Variants in JPH2 observed in about 807,000 individuals in gnomAD.
The protein encoded by JPH2 is junctophilin-2.
A neutral mutation model predicts 55.9 loss-of-function variants in JPH2; 38 were observed. That is an observed-to-expected ratio of 0.68 (90% confidence interval 0.52 to 0.89). JPH2 has a LOEUF of 0.89. Ranked by LOEUF, JPH2 falls within the 40% of genes least tolerant of loss-of-function variation. JPH2 has a pLI of 0.00. For missense variants in JPH2, 964 were observed against 1,037.6 expected (o/e 0.93, Z 0.97); for synonymous variants, 480 against 472.4 (o/e 1.02, Z -0.21).
At chr20:44,150,969 G>A (rs887064722) in intron 2 of JPH2, among the ~76,000 whole-genome samples, 3 of 152,188 alleles carry the variant, frequency 2.0e-5, no homozygotes, top group Admixed American at 2.0e-4. Flanking sequence ...GGTGGAGGCT[G>A]CAGTGAGCTG....
intron 1 of JPH2, among the ~76,000 whole-genome samples, chr20:44,185,653 T>C: frequency 6.8e-6 from 1 of 147,158 alleles, no homozygotes; most frequent in South Asian, 2.2e-4. Flanking sequence ...AAAAAAAGAA[T>C]CCATGGATGG....
chr20:44,183,389 G>T (rs1369931518), intron 1 of JPH2, among the ~76,000 whole-genome samples: 1 of 152,224 alleles, frequency 6.6e-6, no homozygotes. Context: ...TCAGTCCCCA[G>T]CCAGTGCCGG....
intron 3 of JPH2, among the ~76,000 whole-genome samples, chr20:44,117,561 C>T (rs766790321): frequency 7.9e-5 from 12 of 152,358 alleles, no homozygotes; most frequent in Admixed American, 5.9e-4. Flanking sequence ...GTATCCACAT[C>T]GCCTGATCCT....
intron 1 of JPH2, among the ~76,000 whole-genome samples, chr20:44,178,192 C>T (rs990462582): frequency 1.3e-5 from 2 of 152,166 alleles, no homozygotes; most frequent in South Asian, 4.1e-4. Context: ...AAAAGAGATT[C>T]CTTTTCACCT....
intron 2 of JPH2, among the ~76,000 whole-genome samples, chr20:44,134,914 AATATATATATT>A (rs1569195952): frequency 0.048 from 2,521 of 52,704 alleles, 33 homozygotes; most frequent in Middle Eastern, 0.078. Context: ...ATATATATAA[AATATATATATT>A]TATATATATA....
intron 1 of JPH2, among the ~76,000 whole-genome samples, chr20:44,174,205 A>G (rs2072717670): frequency 6.6e-6 from 1 of 152,204 alleles, no homozygotes; most frequent in Non-Finnish European, 1.5e-5. Flanking sequence ...TCAGAGAGGT[A>G]GAGGGACCTG....
At chr20:44,175,080 A>G (rs191632114) in intron 1 of JPH2, among the ~76,000 whole-genome samples, 79 of 152,338 alleles carry the variant, frequency 5.2e-4, no homozygotes, top group Non-Finnish European at 9.7e-4. Context: ...TATATAAAAG[A>G]AAACACCTTT....
At chr20:44,137,225 G>C (rs56281945) in intron 2 of JPH2, among the ~76,000 whole-genome samples, 7,499 of 152,182 alleles carry the variant, frequency 0.049, 550 homozygotes, top group African/African-American at 0.16. Flanking sequence ...CTTAGCTCTT[G>C]GTGTGCTCTG....
chr20:44,129,458 G>C (rs1306399561), intron 2 of JPH2, among the ~76,000 whole-genome samples: 1 of 150,160 alleles, frequency 6.7e-6, no homozygotes, highest in Non-Finnish European at 1.5e-5. Context: ...GAGAGGCTGA[G>C]ACAGGAGAAT....
rs1222315380 is a variant in JPH2, at chr20:44,118,519, T to C, written c.1274A>G (p.Asp425Gly). 6.2e-7 allele frequency: 1 copy of C among 1,612,802 alleles called. No individual in the cohort carries two copies. The highest frequency in any genetic ancestry group is 8.5e-7 in the Non-Finnish European group (1 of 1,179,844). The change falls in exon 3 of 6, where the codon GAC (aspartate) becomes GGC (glycine). Residue 425 changes from aspartate (D) to glycine (G), a missense_variant. Physicochemically the swap from Asp to Gly is moderately conservative, Grantham distance 94. Transcript: ENST00000372980. ...ARTLARELAPDFYQPGPEYQK... is the reference protein window; with the variant it reads ...ARTLARELAPGFYQPGPEYQK... ...GCTGGCCCTACCTGGCTGGTAGAAGTCCGGAGCCAGCTCCCTGGCCAAAGT... is the reference window on the plus strand; with the variant it reads ...GCTGGCCCTACCTGGCTGGTAGAAGCCCGGAGCCAGCTCCCTGGCCAAAGT...
intron 2 of JPH2, among the ~76,000 whole-genome samples, chr20:44,138,100 C>G (rs915212404): frequency 2.0e-5 from 3 of 149,402 alleles, no homozygotes; most frequent in Non-Finnish European, 1.5e-5. Flanking sequence ...CTCTGCCTCC[C>G]GGGCTCAAGC....
At chr20:44,135,423 C>T (rs1189790199) in intron 2 of JPH2, among the ~76,000 whole-genome samples, 1 of 152,144 alleles carries the variant, frequency 6.6e-6, no homozygotes, top group African/African-American at 2.4e-5. Context: ...AATTTCTTCT[C>T]CTGGGAACTC....
chr20:44,185,126 C>G (rs2072821867), intron 1 of JPH2, among the ~76,000 whole-genome samples: 1 of 151,868 alleles, frequency 6.6e-6, no homozygotes, highest in Admixed American at 6.6e-5. Flanking sequence ...TAGTAAGACC[C>G]CATCTCTACA....
At position 44,118,494 on chromosome 20, in the gene JPH2, G is replaced by A; in HGVS notation, c.1288+11C>T. The A allele has an allele frequency of 1.2e-6, 2 of 1,603,472 alleles. No homozygotes were observed. Among genetic ancestry groups the A allele is most frequent in the Non-Finnish European group, 8.5e-7 (1 of 1,172,386 alleles). On this transcript the variant is annotated intron_variant, in intron 3 of 5. Transcript: ENST00000372980. ...GCCCTACCCTGCCCATCCTTCCCTG[G>A]CTGGCCCTACCTGGCTGGTAGAAGT...
At chr20:44,122,640 TGGAGATA>T (rs2072245471) in intron 2 of JPH2, among the ~76,000 whole-genome samples, 1 of 152,132 alleles carries the variant, frequency 6.6e-6, no homozygotes, top group Admixed American at 6.6e-5. Flanking sequence ...ATCTGTAAAG[TGGAGATA>T]GTAATTCTCC....
At position 44,160,166 on chromosome 20, in the gene JPH2, A is replaced by G; in HGVS notation, c.621T>C (p.Asn207=). 1 of 1,423,290 alleles carries G rather than the reference A, an allele frequency of 7.0e-7. No individual in the cohort carries two copies. Among genetic ancestry groups the G allele is most frequent in the Non-Finnish European group, 9.1e-7 (1 of 1,098,526 alleles). 88.2% of individuals were successfully genotyped at this position (1,423,290 alleles called of 1,614,324 possible). ...RGGFALSLLA[N]AEAAARAPKG... Reference sequence around the variant, plus strand: ...TGGGCGCCCGCGCGGCCGCCTCGGCATTGGCCAGGAGGCTGAGCGCGAAGC... The same window carrying G: ...TGGGCGCCCGCGCGGCCGCCTCGGCGTTGGCCAGGAGGCTGAGCGCGAAGC... The change falls in exon 2 of 6, where the codon AAT becomes AAC. Residue 207 remains asparagine, a synonymous_variant. Coordinates refer to ENST00000372980, the MANE Select transcript of JPH2 (RefSeq NM_020433.5). This position sits in a 1 kb window ranked among gnomAD's most constrained non-coding sequence, Gnocchi z 4.9.
chr20:44,172,364 G>A (rs1035107738), intron 1 of JPH2, among the ~76,000 whole-genome samples: 4 of 152,160 alleles, frequency 2.6e-5, no homozygotes, highest in Non-Finnish European at 5.9e-5. Context: ...ACCTCAGTTT[G>A]TACTATTAGT....
chr20:44,130,864 C>T (rs762854421), intron 2 of JPH2, among the ~76,000 whole-genome samples: 3 of 152,134 alleles, frequency 2.0e-5, no homozygotes, highest in African/African-American at 7.2e-5. Flanking sequence ...AGTGTACACA[C>T]CTATTTTTTA....
At chr20:44,120,228 C>T (rs1419683919) in intron 2 of JPH2, among the ~76,000 whole-genome samples, 3 of 152,164 alleles carry the variant, frequency 2.0e-5, no homozygotes, top group South Asian at 2.1e-4. Context: ...ACAGACCCTC[C>T]TGTGGACTCC....
Sources: allele counts gnomAD v4.1 joint callset (sites outside exome capture counted in the v4.1 genomes callset), GRCh38; gene constraint gnomAD v4.1.1; non-coding constraint Gnocchi (gnomAD v3.1); transcripts MANE v1.5; gene names NCBI Gene and HGNC (gene_info 2026-07-23, HGNC 2026-07-21).